The following TDRD1 variants were observed in gnomAD, a reference collection of about 807,000 sequenced individuals.
The protein encoded by TDRD1 is tudor domain containing 1, also known as tudor domain-containing protein 1.
TDRD1 carries 37 observed loss-of-function variants against 140.6 expected under a neutral mutation model. The ratio of observed to expected loss-of-function variants is 0.26; its 90% CI spans 0.20 to 0.35. The LOEUF (loss-of-function observed/expected upper bound fraction) is 0.35. Among genes scored for constraint, TDRD1 ranks in the 10% least tolerant of loss-of-function variants. TDRD1 has a pLI of 1.00. For synonymous variants in TDRD1, 506 were observed against 475.7 expected (o/e 1.06, Z -0.83); for missense variants, 1,243 against 1,393.0 (o/e 0.89, Z 1.71).
rs537082323 is a variant in TDRD1 at position 114,204,708 on chromosome 10, G to A, written c.1126-14G>A. The A allele has an allele frequency of 2.2e-5, 34 of 1,562,232 alleles. No individual in the cohort carries two copies. The highest frequency in any genetic ancestry group is 1.5e-4 in the South Asian group (12 of 78,006). On this transcript the variant is annotated splice_polypyrimidine_tract_variant and intron_variant, in intron 9 of 25. Transcript: ENST00000251864. ...ATGGTAATTTTTGTAAGTAACCTGCGTAAAATTTTTCAGGCCATAAAGTGC... is the reference window on the plus strand; with the variant it reads ...ATGGTAATTTTTGTAAGTAACCTGCATAAAATTTTTCAGGCCATAAAGTGC...
At chr10:114,204,873 A>G in exon 10 of TDRD1, 1 of 1,590,008 alleles carries the variant, frequency 6.3e-7, no homozygotes, top group Non-Finnish European at 8.5e-7. Flanking sequence ...TTTGCTGTAG[A>G]AGTTGAGCTG....
rs1589699101 is a variant in TDRD1, at chr10:114,213,891, T to G, written c.2075-86T>G. ...ACTTAAAAAGTCAGTGGAAATTCAG[T>G]TCTTCAAAAGCGGGTTCCTCAGCCA... On this transcript the variant is annotated intron_variant, in intron 15 of 25. Transcript: ENST00000251864. 70 of 1,244,312 alleles carry G rather than the reference T, an allele frequency of 5.6e-5. 1 individual carries two copies. In the South Asian group the frequency reaches 9.3e-4, roughly 17 times the overall value. The allele number at this position is 1,244,312 out of a possible 1,614,324, so 77.1% of individuals were successfully genotyped here. A position where few individuals can be genotyped will look rare whatever the true frequency, so the allele number is the denominator to read the frequency against.
At chr10:114,210,618 C>G in exon 12 of TDRD1, 1 of 1,603,424 alleles carries the variant, frequency 6.2e-7, no homozygotes, top group South Asian at 1.1e-5. Context: ...CAACTGAAAA[C>G]AACATTGTCG....
chr10:114,228,411 T>G, intron 25 of TDRD1: 1 of 1,118,924 alleles, frequency 8.9e-7, no homozygotes, highest in Non-Finnish European at 1.1e-6. Context: ...TATTGATATG[T>G]GGAGGGACTT....
intron 11 of TDRD1, among the ~76,000 whole-genome samples, chr10:114,209,649 G>A (rs17777113): frequency 6.6e-6 from 1 of 151,978 alleles, no homozygotes; most frequent in Non-Finnish European, 1.5e-5. Flanking sequence ...TTCAACAATC[G>A]ATTGTAACAC....
chr10:114,182,316 A>C (rs1274787609), intron 1 of TDRD1, among the ~76,000 whole-genome samples: 1 of 152,210 alleles, frequency 6.6e-6, no homozygotes, highest in Admixed American at 6.5e-5. Flanking sequence ...GTCCCAGAAC[A>C]GGTGTAGATG....
At chr10:114,215,422 A>G (rs940227116) in intron 16 of TDRD1, among the ~76,000 whole-genome samples, 1 of 152,186 alleles carries the variant, frequency 6.6e-6, no homozygotes, top group African/African-American at 2.4e-5. Flanking sequence ...GAATGAAATT[A>G]TTAGGTCATA....
At chr10:114,179,016 G>A (rs2032802107), upstream of TDRD1, among the ~76,000 whole-genome samples, 1 of 152,214 alleles carries the variant, frequency 6.6e-6, no homozygotes, top group East Asian at 1.9e-4. Context: ...TTGATTATTT[G>A]GAAAACCTTG....
exon 19 of TDRD1, chr10:114,220,741 G>C: frequency 6.2e-7 from 1 of 1,609,568 alleles, no homozygotes; most frequent in Non-Finnish European, 8.5e-7. Context: ...TGTTCTGATT[G>C]ATGAACATCT....
chr10:114,227,804 G>A (rs530907839), intron 23 of TDRD1, 106 bp from the exon 24 acceptor site: 5 of 841,970 alleles, frequency 5.9e-6, no homozygotes, highest in East Asian at 4.9e-5. Flanking sequence ...CTTTGTAGTC[G>A]GAACCCATGC....
chr10:114,219,171 G>A (rs1353572861), intron 18 of TDRD1, among the ~76,000 whole-genome samples: 3 of 152,194 alleles, frequency 2.0e-5, no homozygotes, highest in Non-Finnish European at 4.4e-5. Flanking sequence ...CATGATTTAA[G>A]TGAAGAAAAC....
At chr10:114,188,232 A>G in intron 2 of TDRD1, 76 bp downstream of exon 2, 2 of 1,289,606 alleles carry the variant, frequency 1.6e-6, no homozygotes, top group South Asian at 3.0e-5. Flanking sequence ...ATATAACCAC[A>G]CACCAGTGGG....
upstream of TDRD1, among the ~76,000 whole-genome samples, chr10:114,177,898 T>C (rs1306123904): frequency 6.6e-6 from 1 of 151,072 alleles, no homozygotes. Flanking sequence ...GTGGCAGTGA[T>C]CTTGGCTCGG....
At chr10:114,209,314 C>T (rs1260053083) in intron 11 of TDRD1, among the ~76,000 whole-genome samples, 3 of 152,174 alleles carry the variant, frequency 2.0e-5, no homozygotes, top group Non-Finnish European at 2.9e-5. Flanking sequence ...CCTATGTACA[C>T]GTGAAGAAGC....
chr10:114,200,847 C>CTTTTT (rs33964094), intron 4 of TDRD1, among the ~76,000 whole-genome samples: 5 of 80,418 alleles, frequency 6.2e-5, no homozygotes, highest in Non-Finnish European at 6.7e-5. Flanking sequence ...TTGCTGCTGC[C>CTTTTT]TTTTTTTTTT....
At chr10:114,210,642 C>T (rs937000209) in exon 12 of TDRD1, 8 of 1,611,502 alleles carry the variant, frequency 5.0e-6, no homozygotes, top group Non-Finnish European at 6.8e-6. Context: ...ACAAAAGTGA[C>T]CTAATCCCAA....
intron 25 of TDRD1, among the ~76,000 whole-genome samples, chr10:114,229,812 TATATA>T (rs1482798338): frequency 1.4e-5 from 2 of 139,582 alleles, no homozygotes; most frequent in African/African-American, 2.9e-5. Flanking sequence ...ACTATATATA[TATATA>T]TTTTTTTTTT....
chr10:114,182,689 TC>T (rs2033175709), intron 1 of TDRD1, among the ~76,000 whole-genome samples: 1 of 132,322 alleles, frequency 7.6e-6, no homozygotes, highest in East Asian at 2.0e-4. Context: ...CATACGAATA[TC>T]TTTTTTTTTT....
At chr10:114,193,709 T>C (rs1296332328) in intron 3 of TDRD1, among the ~76,000 whole-genome samples, 1 of 152,256 alleles carries the variant, frequency 6.6e-6, no homozygotes, top group Non-Finnish European at 1.5e-5. Flanking sequence ...ATTTCCTTTC[T>C]TGCTTTATTG....
Sources: allele counts gnomAD v4.1 joint callset (sites outside exome capture counted in the v4.1 genomes callset), GRCh38; gene constraint gnomAD v4.1.1; transcripts MANE v1.5; gene names NCBI Gene and HGNC (gene_info 2026-07-23, HGNC 2026-07-21).